Variants in RARB observed in about 807,000 individuals in gnomAD.
The protein encoded by RARB is HBV-activated protein.
Under a neutral mutation model 51.9 loss-of-function variants are expected in RARB, and 17 were observed. That is an observed-to-expected ratio of 0.33 (90% CI 0.22 to 0.49). The LOEUF is 0.49. Ranked by LOEUF, RARB falls within the 20% of genes least tolerant of loss-of-function variation. The pLI, the probability that RARB is intolerant of heterozygous loss-of-function variation, is 0.99. For synonymous variants in RARB, 215 were observed against 195.4 expected (o/e 1.10, Z -0.84); for missense variants, 369 against 550.8 (o/e 0.67, Z 3.30).
intron 2 of RARB, among the ~76,000 whole-genome samples, chr3:25,050,410 T>C (rs185015284): frequency 6.6e-6 from 1 of 152,220 alleles, no homozygotes; most frequent in East Asian, 1.9e-4. Flanking sequence ...ATTAAATCTT[T>C]ACTTCTCAAA....
At chr3:25,192,980 C>G (rs369198539) in intron 5 of RARB, among the ~76,000 whole-genome samples, 12 of 152,088 alleles carry the variant, frequency 7.9e-5, no homozygotes, top group East Asian at 7.7e-4. Context: ...GAAGGAAGCT[C>G]TAAATAAATG....
intron 3 of RARB, among the ~76,000 whole-genome samples, chr3:25,074,422 G>A (rs145581590): frequency 3.2e-4 from 48 of 152,130 alleles, no homozygotes; most frequent in Non-Finnish European, 5.3e-4. Flanking sequence ...GCTATTTCCC[G>A]TTACTCCCTA....
At chr3:25,202,966 C>G (rs1032505974) in intron 5 of RARB, among the ~76,000 whole-genome samples, 1 of 152,140 alleles carries the variant, frequency 6.6e-6, no homozygotes, top group Non-Finnish European at 1.5e-5. Flanking sequence ...TGGTGCAGAG[C>G]TGAGTTCAGT....
intron 5 of RARB, among the ~76,000 whole-genome samples, chr3:25,310,614 G>C (rs755372646): frequency 1.3e-5 from 2 of 152,148 alleles, no homozygotes; most frequent in Non-Finnish European, 2.9e-5. Context: ...GTCCAGGCTG[G>C]GAGCTGGAAT....
intron 2 of RARB, among the ~76,000 whole-genome samples, chr3:25,029,533 G>C (rs767123308): frequency 6.6e-6 from 1 of 152,168 alleles, no homozygotes; most frequent in Non-Finnish European, 1.5e-5. Context: ...GTCCACAGGA[G>C]CCTTTTCCTA....
At chr3:24,914,634 T>C (rs1013161071) in intron 2 of RARB, among the ~76,000 whole-genome samples, 1 of 152,206 alleles carries the variant, frequency 6.6e-6, no homozygotes. Context: ...ATACTTTAAA[T>C]CATCTCCAGA....
chr3:25,573,307 TC>T (rs1700784573), intron 4 of RARB, among the ~76,000 whole-genome samples: 1 of 152,150 alleles, frequency 6.6e-6, no homozygotes, highest in African/African-American at 2.4e-5. Context: ...CCTGCAGGCC[TC>T]CAGGGCCCTT....
At chr3:25,205,621 C>G (rs1399322501) in intron 5 of RARB, among the ~76,000 whole-genome samples, 1 of 152,060 alleles carries the variant, frequency 6.6e-6, no homozygotes, top group Non-Finnish European at 1.5e-5. Flanking sequence ...GTGATGGACT[C>G]CCCATTTACC....
intron 1 of RARB, among the ~76,000 whole-genome samples, chr3:24,843,338 G>C (rs1039637629): frequency 6.6e-6 from 1 of 152,140 alleles, no homozygotes; most frequent in African/African-American, 2.4e-5. Context: ...AATTTTAAAA[G>C]ACAGGGAGAC....
chr3:25,225,256 A>T (rs1702031067), intron 5 of RARB, among the ~76,000 whole-genome samples: 1 of 152,184 alleles, frequency 6.6e-6, no homozygotes, highest in Non-Finnish European at 1.5e-5. Flanking sequence ...CAATGTGGAA[A>T]GTTAATTAAA....
intron 5 of RARB, among the ~76,000 whole-genome samples, chr3:25,210,529 CT>C (rs773846113): frequency 0.014 from 386 of 27,628 alleles, 10 homozygotes; most frequent in African/African-American, 0.031. Flanking sequence ...TTATCTGATT[CT>C]TTTTTTTTTT....
At chr3:24,834,779 G>T (rs957417102) in intron 1 of RARB, among the ~76,000 whole-genome samples, 3 of 152,180 alleles carry the variant, frequency 2.0e-5, no homozygotes, top group Non-Finnish European at 1.5e-5. Flanking sequence ...ACTGCAAGAA[G>T]AATTTGTTCA....
chr3:25,578,135 C>T (rs1701015878), intron 4 of RARB, among the ~76,000 whole-genome samples: 2 of 152,244 alleles, frequency 1.3e-5, no homozygotes, highest in Non-Finnish European at 2.9e-5. Context: ...AAAATCCACG[C>T]TTCGCTGGTG....
At chr3:24,840,776 T>C (rs1001791064) in intron 1 of RARB, among the ~76,000 whole-genome samples, 6 of 142,650 alleles carry the variant, frequency 4.2e-5, no homozygotes, top group African/African-American at 1.6e-4. Flanking sequence ...AATGCAAAGA[T>C]GACTTGGAGC....
intron 1 of RARB, among the ~76,000 whole-genome samples, chr3:24,856,133 A>G (rs1158734433): frequency 6.6e-6 from 1 of 152,130 alleles, no homozygotes; most frequent in Non-Finnish European, 1.5e-5. Flanking sequence ...TCTCATATAA[A>G]TGTACCATGA....
At chr3:24,860,657 A>G (rs886388219) in intron 2 of RARB, among the ~76,000 whole-genome samples, 30 of 152,326 alleles carry the variant, frequency 2.0e-4, no homozygotes, top group African/African-American at 5.1e-4. Flanking sequence ...AGAGCATTGC[A>G]TGCAGTCTTT....
chr3:24,917,871 A>G (rs1212378184), intron 2 of RARB, among the ~76,000 whole-genome samples: 1 of 152,186 alleles, frequency 6.6e-6, no homozygotes, highest in Non-Finnish European at 1.5e-5. Flanking sequence ...CTTCACACCC[A>G]CTAGAATGAT....
chr3:25,110,793 A>C (rs1406434568), intron 3 of RARB, among the ~76,000 whole-genome samples: 1 of 152,180 alleles, frequency 6.6e-6, no homozygotes, highest in African/African-American at 2.4e-5. Flanking sequence ...TCTGTTCTTA[A>C]TTACCCCACT....
chr3:25,377,241 A>G (rs1706490795), intron 5 of RARB, among the ~76,000 whole-genome samples: 1 of 152,140 alleles, frequency 6.6e-6, no homozygotes, highest in South Asian at 2.1e-4. Context: ...GACTTTGTCT[A>G]ATTGTTTTTT....
Sources: gnomAD v4.1 joint callset for allele counts (sites outside exome capture counted in the v4.1 genomes callset) on GRCh38, gnomAD v4.1.1 for gene constraint, MANE v1.5 for transcripts, NCBI Gene and HGNC (gene_info 2026-07-23, HGNC 2026-07-21) for gene names.